The following TACC2 variants were observed in gnomAD, a reference collection of about 807,000 sequenced individuals.
TACC2 encodes the protein transforming acidic coiled-coil containing protein 2.
A neutral mutation model predicts 227.3 loss-of-function variants in TACC2; 137 were observed. That is an observed-to-expected ratio of 0.60 (90% CI 0.52 to 0.69). The LOEUF (loss-of-function observed/expected upper bound fraction) is 0.69, where lower values mean the gene tolerates loss of function less well. TACC2 is among the 30% of genes least tolerant of loss of function. The pLI, the probability that TACC2 is intolerant of heterozygous loss-of-function variation, is 0.00. For missense variants in TACC2, 3,470 were observed against 3,694.4 expected (o/e 0.94, Z 1.57); for synonymous variants, 1,523 against 1,487.5 (o/e 1.02, Z -0.55).
At chr10:122,184,902 C>T (rs370158050) in intron 7 of TACC2, among the ~76,000 whole-genome samples, 5 of 151,906 alleles carry the variant, frequency 3.3e-5, no homozygotes, top group East Asian at 1.9e-4. Flanking sequence ...GGGGTGATAG[C>T]GATGGGGGGT....
chr10:122,235,367 T>A (rs770186219), intron 16 of TACC2, among the ~76,000 whole-genome samples: 3 of 152,128 alleles, frequency 2.0e-5, no homozygotes, highest in Non-Finnish European at 2.9e-5. Flanking sequence ...GGATTACAGG[T>A]GTGAGCCACT....
chr10:122,109,517 TGATATTTTCATGTCATA>T (rs1379899655), intron 5 of TACC2, among the ~76,000 whole-genome samples: 1 of 152,212 alleles, frequency 6.6e-6, no homozygotes, highest in Non-Finnish European at 1.5e-5. Flanking sequence ...TGTCTCCTAT[TGATATTTTCATGTCATA>T]GATGTCCCTT....
chr10:122,062,182 G>A lies in TACC2; in HGVS notation c.146+11632G>A, dbSNP rs543238757. On this transcript the variant is annotated intron_variant, in intron 3 of 22. Coordinates refer to ENST00000369005, the MANE Select transcript of TACC2 (RefSeq NM_206862.4). Reference sequence around the variant, plus strand: ...TGAGTAGCTGGGACTACAGGTGCCCGCCACCACGCCTGGCTAATTTTTTGT... The same window carrying A: ...TGAGTAGCTGGGACTACAGGTGCCCACCACCACGCCTGGCTAATTTTTTGT... Among the ~76,000 whole-genome samples the A allele has an allele frequency of 6.6e-3, 1,003 of 152,160 alleles. 7 individuals carry two copies. Among genetic ancestry groups the A allele is most frequent in the Non-Finnish European group, 7.7e-3 (523 of 68,000 alleles).
intron 16 of TACC2, among the ~76,000 whole-genome samples, chr10:122,234,476 T>C (rs540019361): frequency 3.3e-5 from 5 of 152,376 alleles, no homozygotes; most frequent in African/African-American, 1.2e-4. Context: ...TCTAAAAATG[T>C]CTGATCTTAA....
At chr10:122,249,383 A>G (rs570467558) in intron 21 of TACC2, among the ~76,000 whole-genome samples, 161 bp from the exon 22 acceptor site, 18 of 152,302 alleles carry the variant, frequency 1.2e-4, no homozygotes, top group East Asian at 9.7e-4. Flanking sequence ...TCTCATGGCA[A>G]TGGAATTGGG....
intron 3 of TACC2, among the ~76,000 whole-genome samples, chr10:122,063,538 C>G (rs1418371393): frequency 3.3e-5 from 5 of 152,132 alleles, no homozygotes; most frequent in Non-Finnish European, 5.9e-5. Context: ...GCATTTGAGG[C>G]TTTAAACAAC....
chr10:122,132,687 C>A lies in TACC2; in HGVS notation c.5652C>A (p.Tyr1884Ter). Reference sequence around the variant, plus strand: ...GCCCAACCTTAGCTGCCTCTTCCTACCACGGTGATGTTGTTGGCCAGGTCT... The same window carrying A: ...GCCCAACCTTAGCTGCCTCTTCCTAACACGGTGATGTTGTTGGCCAGGTCT... ...LESPTLAASSYHGDVVGQVST... is the reference protein window; with the variant it reads ...LESPTLAASS The change falls in exon 6 of 23, where the codon TAC becomes TAA. Residue 1884 changes from tyrosine (Y) to a stop codon, truncating the protein, a stop_gained. Transcript: ENST00000369005. LOFTEE classifies it high-confidence loss of function. The A allele has an allele frequency of 6.2e-7, 1 of 1,614,240 alleles. No individual in the cohort carries two copies. The highest frequency in any genetic ancestry group is 8.5e-7 in the Non-Finnish European group (1 of 1,180,042).
chr10:122,045,798 A>T (rs142634949), intron 2 of TACC2, among the ~76,000 whole-genome samples: 22 of 152,360 alleles, frequency 1.4e-4, no homozygotes, highest in Non-Finnish European at 2.9e-4. Flanking sequence ...ATTCATACAG[A>T]TAGTTTTGTT....
intron 5 of TACC2, among the ~76,000 whole-genome samples, chr10:122,114,184 C>G (rs2084197463): frequency 6.6e-6 from 1 of 152,092 alleles, no homozygotes; most frequent in Admixed American, 6.5e-5. Flanking sequence ...CATTGAGGAT[C>G]CTAGGGCAGT....
intron 5 of TACC2, among the ~76,000 whole-genome samples, chr10:122,105,940 C>CTGTGTGTG (rs1336236763): frequency 2.5e-5 from 2 of 79,730 alleles, no homozygotes; most frequent in African/African-American, 7.4e-5. Flanking sequence ...AACATTTTCT[C>CTGTGTGTG]TCTCTGTGTG....
At position 122,088,609 on chromosome 10, in the gene TACC2, G is replaced by A; in HGVS notation, c.5573+18G>A. The A allele has an allele frequency of 6.2e-7, 1 of 1,607,490 alleles. No homozygotes were observed. Among genetic ancestry groups the A allele is most frequent in the Non-Finnish European group, 8.5e-7 (1 of 1,176,274 alleles). Reference sequence around the variant, plus strand: ...ACAGAAAGGTCAGCGAAAGATATTGGTCTTTGGAAGGCCATGATGCCTTCC... The same window carrying A: ...ACAGAAAGGTCAGCGAAAGATATTGATCTTTGGAAGGCCATGATGCCTTCC... On this transcript the variant is annotated intron_variant, in intron 5 of 22. Transcript: ENST00000369005.
chr10:122,221,872 C>G (rs2095530198), intron 11 of TACC2, among the ~76,000 whole-genome samples: 1 of 152,220 alleles, frequency 6.6e-6, no homozygotes, highest in Non-Finnish European at 1.5e-5. Flanking sequence ...GAGACCTGGA[C>G]TCAGTGGCAT....
chr10:122,018,974 T>C (rs1248338019), intron 1 of TACC2, among the ~76,000 whole-genome samples: 1 of 152,220 alleles, frequency 6.6e-6, no homozygotes, highest in African/African-American at 2.4e-5. Flanking sequence ...GGTCCTACCT[T>C]GTGGCAGGGG....
At chr10:122,144,698 G>A (rs7918107) in intron 7 of TACC2, among the ~76,000 whole-genome samples, 15,851 of 152,158 alleles carry the variant, frequency 0.1, 1,347 homozygotes, top group African/African-American at 0.24. Context: ...CTAGAATACC[G>A]GGTAACAGTA....
intron 5 of TACC2, among the ~76,000 whole-genome samples, chr10:122,114,930 G>A (rs1317670530): frequency 1.3e-5 from 2 of 152,156 alleles, no homozygotes; most frequent in African/African-American, 4.8e-5. Flanking sequence ...ATTTTAGCAA[G>A]AAGGAAAGTT....
chr10:122,019,294 AC>A (rs1186380302), intron 1 of TACC2, among the ~76,000 whole-genome samples: 1 of 152,210 alleles, frequency 6.6e-6, no homozygotes, highest in Non-Finnish European at 1.5e-5. Context: ...CAGGTGCCAG[AC>A]TGCCGCGTCA....
chr10:122,146,730 C>T (rs2091424960), intron 7 of TACC2, among the ~76,000 whole-genome samples: 2 of 152,196 alleles, frequency 1.3e-5, no homozygotes, highest in African/African-American at 4.8e-5. Flanking sequence ...TTCAGGTATT[C>T]TGCTATAAGC....
chr10:122,108,381 T>G (rs1003851290), intron 5 of TACC2, among the ~76,000 whole-genome samples: 2 of 130,742 alleles, frequency 1.5e-5, no homozygotes, highest in East Asian at 2.2e-4. Context: ...GCGCGCGCGC[T>G]CTCTCTTTCT....
chr10:122,056,414 A>G (rs1047685690), intron 3 of TACC2, among the ~76,000 whole-genome samples: 16 of 152,280 alleles, frequency 1.1e-4, no homozygotes, highest in South Asian at 4.1e-4. Flanking sequence ...ACCTCAGGTG[A>G]TCTGCCCACC....
Sources: allele counts gnomAD v4.1 joint callset (sites outside exome capture counted in the v4.1 genomes callset), GRCh38; gene constraint gnomAD v4.1.1; transcripts MANE v1.5; gene names NCBI Gene and HGNC (gene_info 2026-07-23, HGNC 2026-07-21).